TYW1B: variants seen among roughly 807,000 people sequenced by gnomAD.
TYW1B encodes tRNA-yW synthesizing protein 1 homolog B, also known as S-adenosyl-L-methionine-dependent tRNA 4-demethylwyosine synthase TYW1B.
In TYW1B, 73 loss-of-function variants were observed where a neutral mutation model predicts 86.9. That is an observed-to-expected ratio of 0.84 (90% CI 0.70 to 1.02). TYW1B has a LOEUF of 1.02. Among genes scored for constraint, TYW1B ranks in the 50% least tolerant of loss-of-function variants. The pLI, the probability that TYW1B is intolerant of heterozygous loss-of-function variation, is 0.00. For missense variants in TYW1B, 637 were observed against 827.4 expected (o/e 0.77, Z 2.82); for synonymous variants, 248 against 292.8 (o/e 0.85, Z 1.56).
At chr7:72,668,214 A>C (rs1554445682) in intron 11 of TYW1B, among the ~76,000 whole-genome samples, 1 of 152,238 alleles carries the variant, frequency 6.6e-6, no homozygotes, top group Non-Finnish European at 1.5e-5. Flanking sequence ...TTTTCAGTGG[A>C]AACTGGAAAA....
chr7:72,669,918 G>A (rs1554446023), intron 11 of TYW1B, among the ~76,000 whole-genome samples: 1 of 151,294 alleles, frequency 6.6e-6, no homozygotes, highest in East Asian at 1.9e-4. Flanking sequence ...AACACAGTGA[G>A]ACCCCATTTC....
In TYW1B at chr7:72,674,759, C is replaced by CTTTT. The variant is rs10712486; in HGVS notation, c.1506+19924_1506+19927dup. On this transcript the variant is annotated intron_variant, in intron 11 of 13. Coordinates refer to ENST00000620995, the MANE Select transcript of TYW1B (RefSeq NM_001145440.3). Reference sequence around the variant, plus strand: ...ACAGTTTCAAATTTTCCTTTTCTCTCTTTTTTTTTTTTTTTTTTAAAGAGA... The same window carrying CTTTT: ...ACAGTTTCAAATTTTCCTTTTCTCTCTTTTTTTTTTTTTTTTTTTTTTAAAGAGA... Among the ~76,000 whole-genome samples, 11 of 134,138 alleles carry CTTTT rather than the reference C, an allele frequency of 8.2e-5. 1 individual carries two copies. The highest frequency in any genetic ancestry group is 2.4e-4 in the South Asian group (1 of 4,144). The allele number at this position is 134,138 out of a possible 152,430, so 88.0% of individuals were successfully genotyped here.
At chr7:72,793,067 G>T (rs1419004911) in intron 6 of TYW1B, among the ~76,000 whole-genome samples, 2 of 152,126 alleles carry the variant, frequency 1.3e-5, no homozygotes, top group African/African-American at 2.4e-5. Flanking sequence ...GGCCAGGCAC[G>T]GTGGCTCTCA....
intron 9 of TYW1B, among the ~76,000 whole-genome samples, chr7:72,716,579 G>A (rs1786787572): frequency 6.6e-6 from 1 of 152,200 alleles, no homozygotes; most frequent in African/African-American, 2.4e-5. Flanking sequence ...CACCATGTGT[G>A]AGGGGCTGGC....
intron 13 of TYW1B, 116 bp from the exon 14 acceptor site, chr7:72,575,835 CA>C (rs1403963001): frequency 6.9e-7 from 1 of 1,447,938 alleles, no homozygotes; most frequent in Admixed American, 2.6e-5. Flanking sequence ...GCCAAGAAAA[CA>C]AAAACAAAAA....
In TYW1B at chr7:72,604,331, G is replaced by A. The variant is rs1364541003; in HGVS notation, c.1785+12341C>T. ...TACAAAAGTAGCCGGGCGTGGTGGC[G>A]TGCGCTTGTAATCCCAGCTACTCAG... On this transcript the variant is annotated intron_variant, in intron 13 of 13. Transcript: ENST00000620995. 3.9e-5 allele frequency among the ~76,000 whole-genome samples: 6 copies of A among 152,082 alleles called. No homozygotes were observed. In the South Asian group the frequency reaches 6.2e-4, roughly 16 times the overall value.
chr7:72,820,143 C>T (rs1219044153), intron 2 of TYW1B, among the ~76,000 whole-genome samples: 8 of 151,992 alleles, frequency 5.3e-5, no homozygotes, highest in South Asian at 2.1e-4. Context: ...GGTGTGGTGG[C>T]GCACACCTGT....
At chr7:72,663,550 A>G (rs1813386313) in intron 11 of TYW1B, among the ~76,000 whole-genome samples, 1 of 151,938 alleles carries the variant, frequency 6.6e-6, no homozygotes, top group Non-Finnish European at 1.5e-5. Context: ...CGAGGTCAGG[A>G]GATCGAGACC....
At chr7:72,632,117 A>C (rs1164013622) in intron 11 of TYW1B, among the ~76,000 whole-genome samples, 1 of 150,900 alleles carries the variant, frequency 6.6e-6, no homozygotes, top group African/African-American at 2.4e-5. Flanking sequence ...GGCAACATAA[A>C]GAGACCCCAT....
intron 4 of TYW1B, among the ~76,000 whole-genome samples, chr7:72,808,529 C>CCT (rs1788538810): frequency 1.4e-5 from 2 of 138,618 alleles, no homozygotes; most frequent in Non-Finnish European, 3.1e-5. Context: ...TTTTATTTTA[C>CCT]TTTTTTTTTT....
intron 8 of TYW1B, among the ~76,000 whole-genome samples, chr7:72,741,288 G>A (rs1400363021): frequency 1.3e-5 from 2 of 152,124 alleles, no homozygotes; most frequent in East Asian, 1.9e-4. Flanking sequence ...CAAATGATAA[G>A]AAGGAACCAA....
chr7:72,807,276 C>G lies in TYW1B; in HGVS notation c.513G>C (p.Val171=), dbSNP rs1554476953. 2.5e-6 allele frequency: 4 copies of G among 1,614,110 alleles called. No homozygotes were observed. Among genetic ancestry groups the G allele is most frequent in the Non-Finnish European group, 8.5e-7 (1 of 1,180,042 alleles). Residue 171 remains valine (V), a synonymous_variant, in exon 5 of 14, where the codon GTG becomes GTC. Transcript: ENST00000620995. The part of the protein sequence containing the change: ...VMSRGEGDCD[V]VKSKHGSIEA... ...CAATGCTGCCGTGCTTGCTTTTAAC[C>G]ACGTCGCAGTCGCCCTCCCCTCGAC... is the stretch of plus-strand genomic sequence containing the variant.
At chr7:72,812,783 C>A (rs1364384179) in intron 3 of TYW1B, among the ~76,000 whole-genome samples, 1 of 151,560 alleles carries the variant, frequency 6.6e-6, no homozygotes, top group Non-Finnish European at 1.5e-5. Flanking sequence ...GCAACCTCCA[C>A]CTCCCGAGTT....
At chr7:72,632,434 A>G (rs1198485625) in intron 11 of TYW1B, among the ~76,000 whole-genome samples, 2 of 108,868 alleles carry the variant, frequency 1.8e-5, no homozygotes, top group African/African-American at 3.9e-5. Context: ...AAATATATAT[A>G]TACGTATATA....
chr7:72,800,029 A>G (rs1377793890), intron 6 of TYW1B, among the ~76,000 whole-genome samples: 2 of 151,682 alleles, frequency 1.3e-5, no homozygotes, highest in African/African-American at 2.4e-5. Flanking sequence ...CATAAATTTA[A>G]TATTTTTTAT....
chr7:72,775,044 T>C (rs1787931881), intron 7 of TYW1B, among the ~76,000 whole-genome samples: 1 of 152,140 alleles, frequency 6.6e-6, no homozygotes, highest in Non-Finnish European at 1.5e-5. Flanking sequence ...ATAGGATTAA[T>C]GGAAGATGAG....
intron 12 of TYW1B, among the ~76,000 whole-genome samples, chr7:72,618,481 G>T (rs1355360499): frequency 6.6e-6 from 1 of 152,028 alleles, no homozygotes; most frequent in Non-Finnish European, 1.5e-5. Flanking sequence ...CCTCCCATGT[G>T]CTGGGATTAC....
chr7:72,648,870 A>G (rs1399538683), intron 11 of TYW1B, among the ~76,000 whole-genome samples: 2 of 152,214 alleles, frequency 1.3e-5, no homozygotes, highest in Non-Finnish European at 1.5e-5. Context: ...GAAGAGGCTC[A>G]GAGCACTGGC....
intron 7 of TYW1B, among the ~76,000 whole-genome samples, chr7:72,760,158 G>A (rs1787663301): frequency 6.6e-6 from 1 of 152,112 alleles, no homozygotes; most frequent in Non-Finnish European, 1.5e-5. Flanking sequence ...CTAATCCAAG[G>A]CTACCTGGAG....
Sources: allele counts gnomAD v4.1 joint callset (sites outside exome capture counted in the v4.1 genomes callset), GRCh38; gene constraint gnomAD v4.1.1; transcripts MANE v1.5; gene names NCBI Gene and HGNC (gene_info 2026-07-23, HGNC 2026-07-21).